Variants in DYNC2H1 observed in about 807,000 individuals in gnomAD.
The protein encoded by DYNC2H1 is cytoplasmic dynein 2 heavy chain 1.
DYNC2H1 carries 410 observed loss-of-function variants against 570.0 expected under a neutral mutation model. That is an observed-to-expected ratio of 0.72 (90% CI 0.66 to 0.78). DYNC2H1 has a LOEUF of 0.78. Ranked by LOEUF, DYNC2H1 falls within the 30% of genes least tolerant of loss-of-function variation. The pLI, the probability that DYNC2H1 is intolerant of heterozygous loss-of-function variation, is 0.00. For missense variants in DYNC2H1, 4,865 were observed against 5,046.4 expected, an observed-to-expected ratio of 0.96 and a Z score of 1.09; for synonymous variants, 1,688 against 1,677.6, an observed-to-expected ratio of 1.01 and a Z score of -0.15.
chr11:103,109,639 G>T lies in DYNC2H1; in HGVS notation c.65G>T (p.Gly22Val). The change falls in exon 1 of 89, where the codon GGG (glycine) becomes GTG (valine). Residue 22 changes from glycine (G) to valine (V), a missense_variant. Gly to Val is a moderately radical substitution (Grantham distance 109). This residue lies in a region of DYNC2H1 where 1,936 missense variants were observed against 1,962.1 expected (regional missense o/e 0.99). Transcript: ENST00000375735. The part of the protein sequence containing the change: ...FIFTTTQNYF[G>V]LMSELWDQPL... Reference sequence around the variant, plus strand: ...TTCACTACTACCCAGAATTACTTCGGGTTGATGTCTGAACTCTGGGATCAG... The same window carrying T: ...TTCACTACTACCCAGAATTACTTCGTGTTGATGTCTGAACTCTGGGATCAG... 6.2e-7 allele frequency: 1 copy of T among 1,613,944 alleles called. No homozygotes were observed. Among genetic ancestry groups the T allele is most frequent in the Non-Finnish European group, 8.5e-7 (1 of 1,179,880 alleles).
At chr11:103,159,409 CCT>C (rs1860984530) in intron 28 of DYNC2H1, among the ~76,000 whole-genome samples, 2 of 152,144 alleles carry the variant, frequency 1.3e-5, no homozygotes, top group South Asian at 4.2e-4. Context: ...GGAGAATATG[CCT>C]CTTCCTTATA....
chr11:103,121,028 C>A lies in DYNC2H1; in HGVS notation c.1352C>A (p.Ser451Ter). ...RETLLARLVD[S>*]IKDFRLDFEN... Reference sequence around the variant, plus strand: ...ACTTTACTGGCAAGACTTGTGGACTCAATTAAAGGTAAAAGTTTATGAGAT... The same window carrying A: ...ACTTTACTGGCAAGACTTGTGGACTAAATTAAAGGTAAAAGTTTATGAGAT... The change falls in exon 9 of 89, where the codon TCA becomes TAA. Residue 451 changes from serine (S) to a stop codon, truncating the protein, a stop_gained. Coordinates refer to ENST00000375735, the MANE Select transcript of DYNC2H1 (RefSeq NM_001377.3). LOFTEE classifies it high-confidence loss of function. The A allele has an allele frequency of 6.4e-7, 1 of 1,557,998 alleles. No individual in the cohort carries two copies. The highest frequency in any genetic ancestry group is 1.2e-5 in the South Asian group (1 of 80,396).
Position 103,363,840 on chromosome 11 carries a change from AAC to A in DYNC2H1, c.12156+5484_12156+5485del. 6.6e-6 allele frequency among the ~76,000 whole-genome samples: 1 copy of A among 152,320 alleles called. No homozygotes were observed. Among genetic ancestry groups the A allele is most frequent in the Middle Eastern group, 3.4e-3 (1 of 294 alleles). ...AGAAAACACTATTATATAAAAGGTAAACACCAGCTAGGCTTATTTTGACAGTA... is the reference window on the plus strand; with the variant it reads ...AGAAAACACTATTATATAAAAGGTAAACCAGCTAGGCTTATTTTGACAGTA... On this transcript the variant is annotated intron_variant, in intron 83 of 88. Transcript: ENST00000375735. The surrounding 1 kb of genome is among the most constrained non-coding windows in gnomAD (Gnocchi z 5.6).
chr11:103,421,872 A>ATTTTTTTCT (rs1943500239), intron 84 of DYNC2H1, among the ~76,000 whole-genome samples: 1 of 150,496 alleles, frequency 6.6e-6, no homozygotes. Flanking sequence ...CTGAACTTTA[A>ATTTTTTTCT]AAAGCCTTTA....
chr11:103,346,163 T>G (rs1939734153), intron 82 of DYNC2H1, among the ~76,000 whole-genome samples: 1 of 152,206 alleles, frequency 6.6e-6, no homozygotes, highest in African/African-American at 2.4e-5. Flanking sequence ...TTAGCATAAT[T>G]GCATCGAATG....
chr11:103,249,856 C>T lies in DYNC2H1; in HGVS notation c.10043-3429C>T, dbSNP rs3858421. 0.18 allele frequency among the ~76,000 whole-genome samples: 26,777 copies of T among 151,976 alleles called. 3,009 individuals carry two copies. The highest frequency in any genetic ancestry group is 0.32 in the African/African-American group (13,332 of 41,442). On this transcript the variant is annotated intron_variant, in intron 65 of 88. Coordinates refer to ENST00000375735, the MANE Select transcript of DYNC2H1 (RefSeq NM_001377.3). This position sits in a 1 kb window ranked among gnomAD's most constrained non-coding sequence, Gnocchi z 4.6. ...GTTTAGTCCCACTCCATTTCTCTTA[C>T]ATATACATAAAAATTAAGATACTAA...
chr11:103,401,563 A>T (rs531578979), intron 84 of DYNC2H1, among the ~76,000 whole-genome samples: 3 of 152,252 alleles, frequency 2.0e-5, no homozygotes, highest in Admixed American at 2.0e-4. Flanking sequence ...TAAGAATGTG[A>T]CCGCTGGAAT....
Position 103,186,606 on chromosome 11 carries a change from A to G in DYNC2H1, c.6893+105A>G. Reference sequence around the variant, plus strand: ...TTCTTTTGGTTAAAGTAGCATTTACATTTTCATGGAAGATTCATTTTATTT... The same window carrying G: ...TTCTTTTGGTTAAAGTAGCATTTACGTTTTCATGGAAGATTCATTTTATTT... On this transcript the variant is annotated intron_variant, in intron 42 of 88. Coordinates refer to ENST00000375735, the MANE Select transcript of DYNC2H1 (RefSeq NM_001377.3). This position sits in a 1 kb window ranked among gnomAD's most constrained non-coding sequence, Gnocchi z 4.5. 1 of 1,370,564 alleles carries G rather than the reference A, an allele frequency of 7.3e-7. No individual in the cohort carries two copies. The highest frequency in any genetic ancestry group is 9.7e-7 in the Non-Finnish European group (1 of 1,035,460). The allele number at this position is 1,370,564 out of a possible 1,614,324, so 84.9% of individuals were successfully genotyped here. A position where few individuals can be genotyped will look rare whatever the true frequency, so the allele number is the denominator to read the frequency against.
intron 83 of DYNC2H1, among the ~76,000 whole-genome samples, chr11:103,397,884 A>G (rs1942463524): frequency 6.6e-6 from 1 of 152,222 alleles, no homozygotes; most frequent in Admixed American, 6.5e-5. Flanking sequence ...CCCTGTCAAG[A>G]AAAAGTTAAT....
At chr11:103,328,454 A>G (rs937223299) in intron 82 of DYNC2H1, among the ~76,000 whole-genome samples, 1 of 152,198 alleles carries the variant, frequency 6.6e-6, no homozygotes, top group Non-Finnish European at 1.5e-5. Flanking sequence ...CAGATACTAC[A>G]AAGTTTGATT....
intron 59 of DYNC2H1, among the ~76,000 whole-genome samples, chr11:103,226,155 C>A (rs1032089795): frequency 6.6e-6 from 1 of 152,138 alleles, no homozygotes; most frequent in South Asian, 2.1e-4. Flanking sequence ...GTATCATCAG[C>A]AAACACTGGC....
intron 35 of DYNC2H1, among the ~76,000 whole-genome samples, chr11:103,173,760 G>C (rs896592467): frequency 6.6e-6 from 1 of 152,086 alleles, no homozygotes; most frequent in African/African-American, 2.4e-5. Flanking sequence ...GAGATTGAGA[G>C]CAAGATGGAT....
At chr11:103,219,852 A>T in intron 55 of DYNC2H1, 63 bp from the exon 56 acceptor site, 1 of 937,684 alleles carries the variant, frequency 1.1e-6, no homozygotes, top group Non-Finnish European at 1.6e-6. Context: ...TATATTTTGG[A>T]TTTCATGCTT....
Position 103,209,997 on chromosome 11 carries a change from AT to A in DYNC2H1, c.8539+40del. 7.1e-7 allele frequency: 1 copy of A among 1,415,324 alleles called. No individual in the cohort carries two copies. Among genetic ancestry groups the A allele is most frequent in the Non-Finnish European group, 9.2e-7 (1 of 1,082,030 alleles). The allele number at this position is 1,415,324 out of a possible 1,614,324, so 87.7% of individuals were successfully genotyped here. ...ATAAAATCAGTTTGATCTGGTTTTT[AT>A]TTATGAAATAATTGCCGTTTTTAAT... On this transcript the variant is annotated intron_variant, in intron 53 of 88. Coordinates refer to ENST00000375735, the MANE Select transcript of DYNC2H1 (RefSeq NM_001377.3). This position sits in a 1 kb window ranked among gnomAD's most constrained non-coding sequence, Gnocchi z 4.2.
At chr11:103,128,705 A>C (rs1859119708) in intron 12 of DYNC2H1, among the ~76,000 whole-genome samples, 1 of 152,188 alleles carries the variant, frequency 6.6e-6, no homozygotes, top group Non-Finnish European at 1.5e-5. Flanking sequence ...ACCTCAGGAC[A>C]TGACTTGGCA....
intron 78 of DYNC2H1, among the ~76,000 whole-genome samples, chr11:103,308,181 C>T (rs1048798615): frequency 1.6e-4 from 25 of 152,228 alleles, no homozygotes; most frequent in Admixed American, 6.5e-5. Context: ...AAGAGCAACT[C>T]TTCATTTTGC....
At chr11:103,449,671 A>ATTG (rs1555136677) in intron 85 of DYNC2H1, among the ~76,000 whole-genome samples, 1 of 105,904 alleles carries the variant, frequency 9.4e-6, no homozygotes. Flanking sequence ...ATTCATTTTC[A>ATTG]TTATTATTCT....
rs757425856 is a variant in DYNC2H1, at chr11:103,243,667, A to G, written c.9820-26A>G. The stretch of plus-strand genomic sequence containing the variant: ...TGAAAGCTTATAATCATTAAAAAAC[A>G]TTACTTTTCCTTTTTTTTATACTAG... On this transcript the variant is annotated intron_variant, in intron 63 of 88. Coordinates refer to ENST00000375735, the MANE Select transcript of DYNC2H1 (RefSeq NM_001377.3). This position sits in a 1 kb window ranked among gnomAD's most constrained non-coding sequence, Gnocchi z 4.8. 1 of 1,490,328 alleles carries G rather than the reference A, an allele frequency of 6.7e-7. No individual in the cohort carries two copies. Among genetic ancestry groups the G allele is most frequent in the East Asian group, 2.4e-5 (1 of 41,718 alleles). The allele number at this position is 1,490,328 out of a possible 1,614,324, so 92.3% of individuals were successfully genotyped here. A position where few individuals can be genotyped will look rare whatever the true frequency, so the allele number is the denominator to read the frequency against.
intron 17 of DYNC2H1, 50 bp from the exon 18 acceptor site, chr11:103,143,218 A>G: frequency 6.3e-7 from 1 of 1,575,892 alleles, no homozygotes; most frequent in Non-Finnish European, 8.7e-7. Flanking sequence ...TTATATGTTA[A>G]CATATTGGTT....
Sources: allele counts gnomAD v4.1 joint callset (sites outside exome capture counted in the v4.1 genomes callset), GRCh38; gene constraint gnomAD v4.1.1; regional missense constraint gnomAD v4.1.1; non-coding constraint Gnocchi (gnomAD v3.1); transcripts MANE v1.5; gene names NCBI Gene and HGNC (gene_info 2026-07-23, HGNC 2026-07-21).